Variants in VAC14 observed in about 807,000 individuals in gnomAD.
The protein encoded by VAC14 is protein VAC14 homolog.
Under a neutral mutation model 85.3 loss-of-function variants are expected in VAC14, and 47 were observed. The observed-to-expected ratio is 0.55, with a 90% CI of 0.44 to 0.70. The LOEUF is 0.70. Among genes scored for constraint, VAC14 ranks in the 30% least tolerant of loss-of-function variants. The pLI is 0.00. For missense variants in VAC14, 861 were observed against 1,004.3 expected (o/e 0.86, Z 1.93); for synonymous variants, 447 against 430.5 (o/e 1.04, Z -0.47).
chr16:70,691,006 A>G, intron 18 of VAC14: 1 of 985,352 alleles, frequency 1.0e-6, no homozygotes, highest in Non-Finnish European at 1.2e-6. Context: ...TCCATGGCAG[A>G]GCTCACACCA....
chr16:70,692,997 A>G, intron 17 of VAC14, 26 bp from the exon 18 acceptor site: 1 of 1,601,810 alleles, frequency 6.2e-7, no homozygotes, highest in Non-Finnish European at 8.5e-7. Flanking sequence ...GGCAGGGGTC[A>G]GGGACCTGGC....
At chr16:70,728,421 AGTG>A (rs902235883) in intron 14 of VAC14, among the ~76,000 whole-genome samples, 5 of 152,192 alleles carry the variant, frequency 3.3e-5, no homozygotes, top group Non-Finnish European at 7.4e-5. Context: ...TGCCCAGCCC[AGTG>A]GGCACGTTAC....
At position 70,695,551 on chromosome 16, in the gene VAC14, G is replaced by A. The variant is rs1200051451; in HGVS notation, c.2028C>T (p.Ile676=). Residue 676 remains isoleucine, a synonymous_variant, in exon 17 of 19, where the codon ATC becomes ATT. Coordinates refer to ENST00000261776, the MANE Select transcript of VAC14 (RefSeq NM_018052.5). Reference sequence around the variant, plus strand: ...GTGGGAGGTGGTTCTTACATGTGAAGATGGGGCACTCAATCAGCTGCACCA... The same window carrying A: ...GTGGGAGGTGGTTCTTACATGTGAAAATGGGGCACTCAATCAGCTGCACCA... ...DKLVQLIECP[I]FTYLRLQLLD... 1.9e-6 allele frequency: 3 copies of A among 1,613,854 alleles called. No individual in the cohort carries two copies. The African/African-American group carries it at 4.0e-5, about 22-fold the overall frequency.
intron 1 of VAC14, among the ~76,000 whole-genome samples, chr16:70,787,216 C>T (rs1324011911): frequency 2.0e-5 from 3 of 152,238 alleles, no homozygotes; most frequent in South Asian, 2.1e-4. Context: ...AGACTGATGC[C>T]GGGGACGTTC....
At chr16:70,693,099 C>G (rs1160531077) in intron 17 of VAC14, 128 bp from the exon 18 acceptor site, 6 of 1,305,738 alleles carry the variant, frequency 4.6e-6, no homozygotes, top group Non-Finnish European at 6.2e-6. Context: ...AGCCCAAGGA[C>G]CCAGCTGTGT....
intron 9 of VAC14, chr16:70,778,996 C>A (rs2033666276): frequency 6.6e-6 from 1 of 152,198 alleles, no homozygotes; most frequent in African/African-American, 2.4e-5. Flanking sequence ...CTTATTTCTC[C>A]AAGTTTTCTT....
chr16:70,766,443 C>T, intron 10 of VAC14: 1 of 455,166 alleles, frequency 2.2e-6, no homozygotes. Flanking sequence ...TTCTCCACAG[C>T]AAACACCTGA....
intron 18 of VAC14, chr16:70,689,890 C>T: frequency 1.0e-6 from 1 of 985,474 alleles, no homozygotes; most frequent in African/African-American, 1.7e-5. Flanking sequence ...CCAAGGGCCA[C>T]CCCGGAGCTT....
At position 70,762,153 on chromosome 16, in the gene VAC14, G is replaced by C. The variant is rs1012073824; in HGVS notation, c.1371+387C>G. On this transcript the variant is annotated intron_variant, in intron 12 of 18. Coordinates refer to ENST00000261776, the MANE Select transcript of VAC14 (RefSeq NM_018052.5). This position sits in a 1 kb window ranked among gnomAD's most constrained non-coding sequence, Gnocchi z 4.1. The stretch of plus-strand genomic sequence containing the variant: ...GACAGGGTCTCACTCTGTCGCCCAA[G>C]CTGGAGTGCAGTGGCACGATCTCTG... Among the ~76,000 whole-genome samples, 1 of 151,962 alleles carries C rather than the reference G, an allele frequency of 6.6e-6. No individual in the cohort carries two copies. The highest frequency in any genetic ancestry group is 1.5e-5 in the Non-Finnish European group (1 of 68,008).
chr16:70,747,551 T>C (rs2031011392), intron 12 of VAC14: 1 of 145,288 alleles, frequency 6.9e-6, no homozygotes, highest in Admixed American at 6.8e-5. Flanking sequence ...TCCTAACCCA[T>C]TTGCTCTTGC....
At chr16:70,755,553 C>T (rs1175451640) in intron 12 of VAC14, among the ~76,000 whole-genome samples, 3 of 152,176 alleles carry the variant, frequency 2.0e-5, no homozygotes, top group Non-Finnish European at 2.9e-5. Flanking sequence ...CCTCACACCT[C>T]GGGGTAACTA....
intron 10 of VAC14, chr16:70,770,415 C>T (rs1251582077): frequency 1.3e-5 from 2 of 152,366 alleles, no homozygotes; most frequent in African/African-American, 2.4e-5. Context: ...AGAGCAGCCC[C>T]GTTCTTCCTC....
At chr16:70,720,824 C>T (rs766897305) in intron 14 of VAC14, among the ~76,000 whole-genome samples, 1 of 152,076 alleles carries the variant, frequency 6.6e-6, no homozygotes, top group African/African-American at 2.4e-5. Context: ...AGACTGGGGC[C>T]GGGGCAGGTC....
At chr16:70,763,922 G>A (rs74024451) in intron 10 of VAC14, among the ~76,000 whole-genome samples, 1,558 of 152,274 alleles carry the variant, frequency 0.01, 30 homozygotes, top group African/African-American at 0.036. Flanking sequence ...GAAAAACCTC[G>A]GGATATTGGG....
chr16:70,757,602 C>T (rs369498760), intron 12 of VAC14, among the ~76,000 whole-genome samples: 33 of 152,314 alleles, frequency 2.2e-4, no homozygotes, highest in African/African-American at 4.8e-4. Context: ...TGAGGTCCTC[C>T]GGCCTCTAGA....
intron 12 of VAC14, among the ~76,000 whole-genome samples, chr16:70,745,785 T>C (rs1350433672): frequency 1.3e-5 from 2 of 152,182 alleles, no homozygotes; most frequent in African/African-American, 4.8e-5. Flanking sequence ...TGCCTCTTCC[T>C]GGGCTACTCT....
At chr16:70,708,829 C>A (rs147182947) in intron 14 of VAC14, among the ~76,000 whole-genome samples, 1 of 152,198 alleles carries the variant, frequency 6.6e-6, no homozygotes. Context: ...GGCAAGAGTG[C>A]GGCCGGTCTG....
At chr16:70,728,607 ATGCAAGCATGCCCATGGGGCC>A (rs1275703011) in intron 14 of VAC14, among the ~76,000 whole-genome samples, 1 of 152,208 alleles carries the variant, frequency 6.6e-6, no homozygotes, top group Non-Finnish European at 1.5e-5. Context: ...TGGGGAGGGC[ATGCAAGCATGCCCATGGGGCC>A]TGCACTTCTG....
intron 1 of VAC14, among the ~76,000 whole-genome samples, chr16:70,791,166 C>T (rs1194094720): frequency 6.6e-6 from 1 of 152,200 alleles, no homozygotes; most frequent in Non-Finnish European, 1.5e-5. Context: ...CCATGCTGCA[C>T]CTCCCATCTG....
Sources: gnomAD v4.1 joint callset for allele counts (sites outside exome capture counted in the v4.1 genomes callset) on GRCh38, gnomAD v4.1.1 for gene constraint, Gnocchi (gnomAD v3.1) non-coding constraint, MANE v1.5 for transcripts, NCBI Gene and HGNC (gene_info 2026-07-23, HGNC 2026-07-21) for gene names.